Variants in BTRC observed in about 807,000 individuals in gnomAD.
The protein encoded by BTRC is F-box/WD repeat-containing protein 1A.
Under a neutral mutation model 85.5 loss-of-function variants are expected in BTRC, and 42 were observed. The ratio of observed to expected loss-of-function variants is 0.49; its 90% CI spans 0.38 to 0.64. The LOEUF (loss-of-function observed/expected upper bound fraction) is 0.64. Ranked by LOEUF, BTRC falls within the 30% of genes least tolerant of loss-of-function variation. The pLI, the probability that BTRC is intolerant of heterozygous loss-of-function variation, is 0.00. For missense variants in BTRC, 594 were observed against 743.5 expected (o/e 0.80, Z 2.34); for synonymous variants, 255 against 263.3 (o/e 0.97, Z 0.30).
At chr10:101,467,913 C>A (rs1945422942) in intron 3 of BTRC, among the ~76,000 whole-genome samples, 1 of 152,096 alleles carries the variant, frequency 6.6e-6, no homozygotes, top group Admixed American at 6.6e-5. Context: ...TGTAAAAGAT[C>A]TTAAAGGTAA....
intron 3 of BTRC, among the ~76,000 whole-genome samples, chr10:101,475,922 C>CATATATATATAT (rs71016324): frequency 0.13 from 8,769 of 66,634 alleles, 1,353 homozygotes; most frequent in Non-Finnish European, 0.17. Flanking sequence ...AGTATTTTGC[C>CATATATATATAT]ATATATATAT....
intron 1 of BTRC, among the ~76,000 whole-genome samples, chr10:101,398,809 G>T (rs976416641): frequency 6.6e-6 from 1 of 152,062 alleles, no homozygotes; most frequent in Admixed American, 6.6e-5. Flanking sequence ...AAAGTAATCC[G>T]TTGAATATTT....
In BTRC at chr10:101,366,478, G is replaced by GA. The variant is rs1002052040; in HGVS notation, c.48+12258dup. 2.0e-5 allele frequency among the ~76,000 whole-genome samples: 3 copies of GA among 151,422 alleles called. 1 individual carries two copies. Among genetic ancestry groups the GA allele is most frequent in the African/African-American group, 7.3e-5 (3 of 41,314 alleles). ...CTATAGAATTTAAGAGAGGCGACAG[G>GA]AAAAAAAAGTAAATTGAGTTAAAGG... On this transcript the variant is annotated intron_variant, in intron 1 of 14. Transcript: ENST00000370187.
chr10:101,415,564 A>G (rs548770502), intron 1 of BTRC, among the ~76,000 whole-genome samples: 8 of 136,258 alleles, frequency 5.9e-5, no homozygotes, highest in South Asian at 2.4e-4. Context: ...ATTTTGAGAC[A>G]GAGTTTCACT....
rs572293883 is a variant in BTRC, at chr10:101,389,111, T to G, written c.48+34883T>G. Among the ~76,000 whole-genome samples the G allele has an allele frequency of 4.4e-4, 40 of 91,742 alleles. 2 individuals carry two copies. Among genetic ancestry groups the G allele is most frequent in the South Asian group, 1.3e-3 (4 of 2,996 alleles). 60.2% of individuals were successfully genotyped at this position (91,742 alleles called of 152,430 possible). A position where few individuals can be genotyped will look rare whatever the true frequency, so the allele number is the denominator to read the frequency against. On this transcript the variant is annotated intron_variant, in intron 1 of 14. Transcript: ENST00000370187. The stretch of plus-strand genomic sequence containing the variant: ...TTGAATGTTGCATAATTGTGATTTT[T>G]TGTGTGTGTTTTTTTTTTTTTTTTT...
intron 4 of BTRC, among the ~76,000 whole-genome samples, chr10:101,512,825 T>C (rs1056851549): frequency 2.0e-5 from 3 of 152,228 alleles, no homozygotes; most frequent in African/African-American, 7.2e-5. Context: ...AGCTTCTTTC[T>C]TTCTTGTGGA....
intron 3 of BTRC, among the ~76,000 whole-genome samples, chr10:101,466,545 A>G (rs1945378081): frequency 6.6e-6 from 1 of 152,194 alleles, no homozygotes; most frequent in Admixed American, 6.6e-5. Flanking sequence ...GTGAGGGTTT[A>G]CATTGATTAG....
At chr10:101,399,618 T>G (rs1943448180) in intron 1 of BTRC, among the ~76,000 whole-genome samples, 1 of 152,214 alleles carries the variant, frequency 6.6e-6, no homozygotes, top group Non-Finnish European at 1.5e-5. Context: ...CAGAAGTTTT[T>G]AAAGCTAACA....
At chr10:101,414,652 A>G (rs150835705) in intron 1 of BTRC, 3 of 518,308 alleles carry the variant, frequency 5.8e-6, no homozygotes, top group East Asian at 5.5e-5. Flanking sequence ...AATTGCTCCC[A>G]AAGACCTTCC....
chr10:101,354,904 A>G (rs983267637), intron 1 of BTRC, among the ~76,000 whole-genome samples: 1 of 152,196 alleles, frequency 6.6e-6, no homozygotes, highest in Non-Finnish European at 1.5e-5. Flanking sequence ...TAGGGCTATA[A>G]TGACAGTCCC....
intron 1 of BTRC, among the ~76,000 whole-genome samples, chr10:101,404,092 C>A (rs1386552677): frequency 8.9e-5 from 11 of 124,082 alleles, no homozygotes; most frequent in African/African-American, 3.4e-4. Flanking sequence ...AGTGCAGTGG[C>A]GCATCTCAGC....
intron 4 of BTRC, among the ~76,000 whole-genome samples, chr10:101,515,836 G>T (rs2062016287): frequency 6.6e-6 from 1 of 152,148 alleles, no homozygotes; most frequent in African/African-American, 2.4e-5. Context: ...TTATTTCTGA[G>T]AATTTTATGT....
chr10:101,488,219 T>C (rs1469809321), intron 4 of BTRC, among the ~76,000 whole-genome samples: 1 of 152,214 alleles, frequency 6.6e-6, no homozygotes, highest in Admixed American at 6.5e-5. Context: ...TCTGTCACTT[T>C]GAGTTATTTA....
intron 4 of BTRC, among the ~76,000 whole-genome samples, chr10:101,491,832 C>T (rs1946141878): frequency 6.6e-6 from 1 of 152,032 alleles, no homozygotes; most frequent in East Asian, 1.9e-4. Context: ...GTAGCTGGAC[C>T]TTGAAATCCT....
At chr10:101,551,393 C>G (rs1025437215) in intron 14 of BTRC, among the ~76,000 whole-genome samples, 1 of 152,016 alleles carries the variant, frequency 6.6e-6, no homozygotes, top group Non-Finnish European at 1.5e-5. Context: ...CTTTTATATC[C>G]CTATCCCTAT....
chr10:101,365,558 C>G (rs956338320), intron 1 of BTRC, among the ~76,000 whole-genome samples: 4 of 151,858 alleles, frequency 2.6e-5, no homozygotes, highest in Non-Finnish European at 5.9e-5. Context: ...TCACTGCAAC[C>G]TCTGCCTTCC....
chr10:101,355,634 ACTC>A (rs1448784678), intron 1 of BTRC, among the ~76,000 whole-genome samples: 1 of 152,090 alleles, frequency 6.6e-6, no homozygotes, highest in Non-Finnish European at 1.5e-5. Context: ...TCCAAATCTT[ACTC>A]CTTTGCTTAA....
intron 1 of BTRC, among the ~76,000 whole-genome samples, chr10:101,403,268 G>A (rs1470172870): frequency 6.6e-6 from 1 of 152,138 alleles, no homozygotes; most frequent in African/African-American, 2.4e-5. Flanking sequence ...GTATTTTAAG[G>A]GTACAGAGAT....
At chr10:101,546,285 T>G (rs2134462413) in intron 13 of BTRC, among the ~76,000 whole-genome samples, 1 of 101,650 alleles carries the variant, frequency 9.8e-6, no homozygotes, top group East Asian at 4.5e-4. Context: ...GCTCTCAGAT[T>G]ACAGTGGTAT....
Sources: gnomAD v4.1 joint callset for allele counts (sites outside exome capture counted in the v4.1 genomes callset) on GRCh38, gnomAD v4.1.1 for gene constraint, MANE v1.5 for transcripts, NCBI Gene and HGNC (gene_info 2026-07-23, HGNC 2026-07-21) for gene names.